GRIK2: variants seen among roughly 807,000 people sequenced by gnomAD.
The protein encoded by GRIK2 is glutamate receptor ionotropic, kainate 2.
Under a neutral mutation model 100.3 loss-of-function variants are expected in GRIK2, and 32 were observed. That is an observed-to-expected ratio of 0.32 (90% CI 0.24 to 0.43). The LOEUF (loss-of-function observed/expected upper bound fraction) is 0.43, where lower values mean the gene tolerates loss of function less well. GRIK2 is among the 20% of genes least tolerant of loss of function. The pLI is 1.00. For missense variants in GRIK2, 843 were observed against 1,114.9 expected, an observed-to-expected ratio of 0.76 and a Z score of 3.47; for synonymous variants, 417 against 389.4, an observed-to-expected ratio of 1.07 and a Z score of -0.83.
intron 14 of GRIK2, among the ~76,000 whole-genome samples, chr6:101,983,286 G>A (rs1793824434): frequency 6.6e-6 from 1 of 151,814 alleles, no homozygotes; most frequent in African/African-American, 2.4e-5. Context: ...GCAAAATGAA[G>A]TTAGTTAGAG....
intron 2 of GRIK2, among the ~76,000 whole-genome samples, chr6:101,547,308 G>T (rs1292457657): frequency 1.0e-5 from 1 of 95,752 alleles, no homozygotes; most frequent in Non-Finnish European, 2.1e-5. Flanking sequence ...TTTATTAGCA[G>T]TTTCTTTTTT....
At chr6:101,553,976 G>A (rs886183281) in intron 2 of GRIK2, among the ~76,000 whole-genome samples, 1 of 152,114 alleles carries the variant, frequency 6.6e-6, no homozygotes, top group Admixed American at 6.5e-5. Flanking sequence ...GGTGTTGTTT[G>A]GGCCACTTCC....
intron 12 of GRIK2, among the ~76,000 whole-genome samples, chr6:101,892,531 T>TA (rs1787176206): frequency 6.6e-6 from 1 of 152,084 alleles, no homozygotes; most frequent in Non-Finnish European, 1.5e-5. Flanking sequence ...GTTTTTTTTT[T>TA]ACTGCTACTG....
At chr6:101,933,176 G>A (rs1006558677) in intron 14 of GRIK2, among the ~76,000 whole-genome samples, 6 of 151,942 alleles carry the variant, frequency 3.9e-5, no homozygotes, top group Non-Finnish European at 5.9e-5. Flanking sequence ...TTGTGGCCAC[G>A]TTGAGAAAAT....
chr6:101,563,526 A>G (rs1243713722), intron 2 of GRIK2, among the ~76,000 whole-genome samples: 3 of 152,192 alleles, frequency 2.0e-5, no homozygotes, highest in African/African-American at 7.2e-5. Context: ...ATAATTAGAA[A>G]AATCAGTGAT....
chr6:101,956,351 T>C (rs1198669915), intron 14 of GRIK2, among the ~76,000 whole-genome samples: 1 of 152,122 alleles, frequency 6.6e-6, no homozygotes, highest in African/African-American at 2.4e-5. Context: ...ACCTTAACAA[T>C]ATTATGTCTT....
At chr6:101,870,898 G>A (rs2128448205) in intron 11 of GRIK2, among the ~76,000 whole-genome samples, 1 of 151,948 alleles carries the variant, frequency 6.6e-6, no homozygotes, top group Non-Finnish European at 1.5e-5. Context: ...TGGACGATGA[G>A]ATAATTTGAG....
chr6:101,757,463 G>A (rs930824456), intron 7 of GRIK2, among the ~76,000 whole-genome samples: 5 of 152,158 alleles, frequency 3.3e-5, no homozygotes, highest in Non-Finnish European at 2.9e-5. Flanking sequence ...GTTTAGTCTA[G>A]TGAAGCACTC....
intron 4 of GRIK2, among the ~76,000 whole-genome samples, chr6:101,629,690 A>G (rs941423350): frequency 6.6e-6 from 1 of 152,044 alleles, no homozygotes. Context: ...CTTTTTGTTT[A>G]TGTGTCAAAG....
chr6:101,612,920 T>C (rs1228055554), intron 2 of GRIK2, among the ~76,000 whole-genome samples: 1 of 151,598 alleles, frequency 6.6e-6, no homozygotes, highest in African/African-American at 2.4e-5. Flanking sequence ...GAAAGGAAGG[T>C]AGAAGACAAA....
intron 14 of GRIK2, among the ~76,000 whole-genome samples, chr6:101,971,244 T>G (rs988972116): frequency 1.2e-4 from 19 of 152,070 alleles, no homozygotes; most frequent in Admixed American, 6.6e-5. Flanking sequence ...GTTATATTAT[T>G]TAGTTTTACA....
intron 7 of GRIK2, among the ~76,000 whole-genome samples, chr6:101,796,016 A>G (rs1234161256): frequency 6.6e-6 from 1 of 152,166 alleles, no homozygotes; most frequent in Admixed American, 6.5e-5. Flanking sequence ...GCTTGTTGAC[A>G]TTTGTTACAT....
At chr6:101,844,764 C>T (rs1304416857) in intron 10 of GRIK2, among the ~76,000 whole-genome samples, 1 of 152,036 alleles carries the variant, frequency 6.6e-6, no homozygotes, top group Admixed American at 6.6e-5. Context: ...CTTTTTGGTA[C>T]AGCGTTTGGC....
chr6:101,502,689 A>C (rs1334397151), intron 2 of GRIK2, among the ~76,000 whole-genome samples: 1 of 152,174 alleles, frequency 6.6e-6, no homozygotes, highest in Non-Finnish European at 1.5e-5. Context: ...GATTGATAGG[A>C]TATCTAGCTG....
intron 7 of GRIK2, among the ~76,000 whole-genome samples, chr6:101,769,226 A>G (rs1778248968): frequency 6.6e-6 from 1 of 152,202 alleles, no homozygotes; most frequent in Non-Finnish European, 1.5e-5. Flanking sequence ...ACAAATGCCC[A>G]AGTATACAGT....
intron 14 of GRIK2, among the ~76,000 whole-genome samples, chr6:102,033,505 T>C (rs1770107882): frequency 6.6e-6 from 1 of 151,314 alleles, no homozygotes; most frequent in Non-Finnish European, 1.5e-5. Context: ...TTCAATAAAT[T>C]CTACTTTTTT....
rs1376723314 is a variant in GRIK2, at chr6:101,955,617, C to CTCTCTCTCTCTCTCTCTCT, written c.2085+26985_2085+26986insTCTCTCTCTCTCTCTCTCT. On this transcript the variant is annotated intron_variant, in intron 14 of 16. Coordinates refer to ENST00000369134, the MANE Select transcript of GRIK2 (RefSeq NM_021956.5). ...CTCTCTCTCTCTCTCTCTCTCTCTC[C>CTCTCTCTCTCTCTCTCTCT]CCCCCATTTCTTTTACAGTCAGATT... is the stretch of plus-strand genomic sequence containing the variant. Among the ~76,000 whole-genome samples, 269 of 116,406 alleles carry CTCTCTCTCTCTCTCTCTCT rather than the reference C, an allele frequency of 2.3e-3. 20 individuals are homozygous for CTCTCTCTCTCTCTCTCTCT. Among genetic ancestry groups the CTCTCTCTCTCTCTCTCTCT allele is most frequent in the Middle Eastern group, 4.8e-3 (1 of 208 alleles). The allele number at this position is 116,406 out of a possible 152,430, so 76.4% of individuals were successfully genotyped here.
intron 11 of GRIK2, among the ~76,000 whole-genome samples, chr6:101,864,704 G>T (rs1784941742): frequency 6.6e-6 from 1 of 152,064 alleles, no homozygotes; most frequent in Non-Finnish European, 1.5e-5. Flanking sequence ...CAATGTTTTT[G>T]AATGTTGCTA....
At position 101,513,489 on chromosome 6, in the gene GRIK2, A is replaced by T. The variant is rs111546847; in HGVS notation, c.116-108460A>T. On this transcript the variant is annotated intron_variant, in intron 2 of 16. Coordinates refer to ENST00000369134, the MANE Select transcript of GRIK2 (RefSeq NM_021956.5). ...CTAGCTATGTTAATACAGATTCTTC[A>T]TAGATGCAAATTTTTCCCCACAAAG... 3.4e-3 allele frequency among the ~76,000 whole-genome samples: 521 copies of T among 152,270 alleles called. 3 individuals are homozygous for T. The highest frequency in any genetic ancestry group is 0.012 in the African/African-American group (501 of 41,546).
Sources: gnomAD v4.1 joint callset for allele counts (sites outside exome capture counted in the v4.1 genomes callset) on GRCh38, gnomAD v4.1.1 for gene constraint, MANE v1.5 for transcripts, NCBI Gene and HGNC (gene_info 2026-07-23, HGNC 2026-07-21) for gene names.